Variants in IFI27L2 observed in about 807,000 individuals in gnomAD.
IFI27L2 encodes interferon alpha-inducible protein 27-like protein 2.
IFI27L2 carries 8 observed loss-of-function variants against 7.9 expected under a neutral mutation model. The ratio of observed to expected loss-of-function variants is 1.02; its 90% confidence interval spans 0.60 to 1.84. IFI27L2 has a LOEUF of 1.84. Among genes scored for constraint, IFI27L2 ranks in the 40% most tolerant of loss-of-function variants. The pLI is 0.00. For synonymous variants in IFI27L2, 56 were observed against 66.5 expected (o/e 0.84, Z 0.77); for missense variants, 190 against 165.8 (o/e 1.15, Z -0.80).
rs1376372412 is a variant in IFI27L2 at position 94,129,274 on chromosome 14, C to A, written c.25G>T (p.Ala9Ser). 5.6e-6 allele frequency: 9 copies of A among 1,612,114 alleles called. No homozygotes were observed. The South Asian group carries it at 8.8e-5, about 16-fold the overall frequency. ...CCGGGTAACTTACCTCCTCCCACTG[C>A]AGCAGCAGCTGCCCGTTCTAGAGAG... Reference protein sequence around the residue: MMKRAAAAAVGGALAVGAV... With the variant: MMKRAAAASVGGALAVGAV... Residue 9 changes from alanine to serine, a missense_variant, in exon 2 of 4, where the codon GCA becomes TCA. Physicochemically the swap from Ala to Ser is moderately conservative, Grantham distance 99. Transcript: ENST00000238609.
Position 94,127,911 on chromosome 14 carries a change from G to C in IFI27L2, c.281C>G (p.Pro94Arg), listed in dbSNP as rs370465042. ...GGGTTCAGCTGGGAGAGAAGAAGAAGGTGAATTCCCCAAGCAGGCCCCCAA... is the reference window on the plus strand; with the variant it reads ...GGGTTCAGCTGGGAGAGAAGAAGAACGTGAATTCCCCAAGCAGGCCCCCAA... Reference protein sequence around the residue: ...SVLGACLGNSPSSSLPAEPEA... With the variant: ...SVLGACLGNSRSSSLPAEPEA... Residue 94 changes from proline to arginine, a missense_variant, in exon 4 of 4, where the codon CCT (proline) becomes CGT (arginine). Transcript: ENST00000238609. 31 of 1,613,662 alleles carry C rather than the reference G, an allele frequency of 1.9e-5. No homozygotes were observed. The highest frequency in any genetic ancestry group is 1.8e-4 in the East Asian group (8 of 44,884).
chr14:94,128,093 G>T, intron 3 of IFI27L2, 101 bp from the exon 4 acceptor site: 1 of 762,854 alleles, frequency 1.3e-6, no homozygotes, highest in Non-Finnish European at 2.2e-6. Flanking sequence ...GCTCTGCCAT[G>T]GGTAGAAGCT....
At chr14:94,128,080 A>C in intron 3 of IFI27L2, 88 bp from the exon 4 acceptor site, 1 of 882,220 alleles carries the variant, frequency 1.1e-6, no homozygotes, top group South Asian at 1.6e-5. Context: ...TGAAAATCCC[A>C]GGGCTCTGCC....
chr14:94,127,802 T>G lies in IFI27L2; in HGVS notation c.390A>C (p.Glu130Asp), dbSNP rs144628066. Reference sequence around the variant, plus strand: ...GAGATGCATCTGCATGTGACCTTTATTCCTCATGTTTCTCTGACTTGAGTG... The same window carrying G: ...GAGATGCATCTGCATGTGACCTTTAGTCCTCATGTTTCTCTGACTTGAGTG... ...KPPLKSEKHE[E>D] Residue 130 changes from glutamate to aspartate, a missense_variant, in exon 4 of 4, where the codon GAA (glutamate) becomes GAC (aspartate). By Grantham distance (45) the Glu-to-Asp change is conservative. Coordinates refer to ENST00000238609, the MANE Select transcript of IFI27L2 (RefSeq NM_032036.3). 104 of 1,612,568 alleles carry G rather than the reference T, an allele frequency of 6.4e-5. 2 individuals carry two copies. The East Asian group carries it at 2.0e-3, about 31-fold the overall frequency.
At chr14:94,129,463 A>T in intron 1 of IFI27L2, 95 bp downstream of exon 1, 1 of 1,281,628 alleles carries the variant, frequency 7.8e-7, no homozygotes, top group South Asian at 1.2e-5. Flanking sequence ...TGATGAAGTC[A>T]GGGAATGAAG....
Position 94,128,549 on chromosome 14 carries a change from G to A in IFI27L2, c.164C>T (p.Ser55Phe). The change falls in exon 3 of 4, where the codon TCT becomes TTT. Residue 55 changes from serine to phenylalanine, a missense_variant. Coordinates refer to ENST00000238609, the MANE Select transcript of IFI27L2 (RefSeq NM_032036.3). ...AAAIANGGGV[S>F]AGSLVATLQS... Reference sequence around the variant, plus strand: ...CAGAGTAGCCACCAGGCTCCCCGCAGAAACACCACCCCCGTTGGCAATGGC... The same window carrying A: ...CAGAGTAGCCACCAGGCTCCCCGCAAAAACACCACCCCCGTTGGCAATGGC... The A allele has an allele frequency of 1.9e-6, 3 of 1,614,220 alleles. No individual in the cohort carries two copies. The highest frequency in any genetic ancestry group is 2.2e-5 in the East Asian group (1 of 44,884).
In IFI27L2 at chr14:94,127,886, G is replaced by A. The variant is rs766282299; in HGVS notation, c.306C>T (p.Pro102=). Residue 102 remains proline (P), a synonymous_variant, in exon 4 of 4, where the codon CCC becomes CCT. Coordinates refer to ENST00000238609, the MANE Select transcript of IFI27L2 (RefSeq NM_032036.3). Reference sequence around the variant, plus strand: ...CTCTTGCCTCATCTTCTTTAGCCTCGGGTTCAGCTGGGAGAGAAGAAGAAG... The same window carrying A: ...CTCTTGCCTCATCTTCTTTAGCCTCAGGTTCAGCTGGGAGAGAAGAAGAAG... ...NSPSSSLPAE[P]EAKEDEAREN... 75 of 1,613,740 alleles carry A rather than the reference G, an allele frequency of 4.6e-5. No individual in the cohort carries two copies. Among genetic ancestry groups the A allele is most frequent in the Admixed American group, 2.3e-4 (14 of 59,998 alleles).
At position 94,128,514 on chromosome 14, in the gene IFI27L2, C is replaced by G. The variant is rs571449423; in HGVS notation, c.199G>C (p.Gly67Arg). Residue 67 changes from glycine (G) to arginine (R), a missense_variant and splice_region_variant, in exon 3 of 4, where the codon GGG (glycine) becomes CGG (arginine). By Grantham distance (125) the Gly-to-Arg change is moderately radical. Transcript: ENST00000238609. ...TGGTGGTCCTGTCTAGGACACTTACCCACGGACTGCAGAGTAGCCACCAGG... is the reference window on the plus strand; with the variant it reads ...TGGTGGTCCTGTCTAGGACACTTACGCACGGACTGCAGAGTAGCCACCAGG... ...GSLVATLQSVGAAGLSTSSNI... is the reference protein window; with the variant it reads ...GSLVATLQSVRAAGLSTSSNI... 1.2e-6 allele frequency: 2 copies of G among 1,614,028 alleles called. No individual in the cohort carries two copies. The highest frequency in any genetic ancestry group is 1.7e-5 in the Admixed American group (1 of 60,034).
chr14:94,128,391 G>A (rs772403202), intron 3 of IFI27L2, 123 bp downstream of exon 3: 5 of 829,278 alleles, frequency 6.0e-6, no homozygotes, highest in Non-Finnish European at 9.8e-6. Flanking sequence ...GGACAGTGAG[G>A]GAGAGACTGA....
rs1887641411 is a variant in IFI27L2, at chr14:94,129,246, G to C, written c.37+16C>G. The C allele has an allele frequency of 6.2e-7, 1 of 1,610,226 alleles. No individual in the cohort carries two copies. Among genetic ancestry groups the C allele is most frequent in the African/African-American group, 1.3e-5 (1 of 74,806 alleles). On this transcript the variant is annotated intron_variant, in intron 2 of 3. Transcript: ENST00000238609. ...GCTAGGTGAGGGCCTGGAGACAGGC[G>C]ATCCGGGTAACTTACCTCCTCCCAC...
intron 2 of IFI27L2, chr14:94,128,945 T>TG: frequency 1.9e-6 from 1 of 531,886 alleles, no homozygotes; most frequent in Admixed American, 3.3e-5. Context: ...GGTCTCAAAT[T>TG]TGTGTGTGTG....
intron 1 of IFI27L2, 44 bp downstream of exon 1, chr14:94,129,514 G>T: frequency 6.3e-7 from 1 of 1,585,574 alleles, no homozygotes; most frequent in Non-Finnish European, 8.6e-7. Context: ...GGGGAAGCCT[G>T]CCCCCAGCCC....
chr14:94,129,217 C>A (rs781364523), intron 2 of IFI27L2, 45 bp downstream of exon 2: 1 of 1,551,184 alleles, frequency 6.4e-7, no homozygotes, highest in East Asian at 2.3e-5. Flanking sequence ...AGCCCGGGGA[C>A]CAGGCTAGGT....
rs984883484 is a variant in IFI27L2, at chr14:94,129,267, C to T, written c.32G>A (p.Gly11Glu). Residue 11 changes from glycine (G) to glutamate (E), a missense_variant, in exon 2 of 4, where the codon GGA becomes GAA. Coordinates refer to ENST00000238609, the MANE Select transcript of IFI27L2 (RefSeq NM_032036.3). ...AGGCGATCCGGGTAACTTACCTCCT[C>T]CCACTGCAGCAGCAGCTGCCCGTTC... MMKRAAAAAV[G>E]GALAVGAVPV... 1 of 1,612,940 alleles carries T rather than the reference C, an allele frequency of 6.2e-7. No individual in the cohort carries two copies. The highest frequency in any genetic ancestry group is 8.5e-7 in the Non-Finnish European group (1 of 1,179,338).
chr14:94,129,214 G>A, intron 2 of IFI27L2, 48 bp downstream of exon 2: 2 of 1,511,852 alleles, frequency 1.3e-6, no homozygotes, highest in Non-Finnish European at 1.8e-6. Context: ...AGCAGCCCGG[G>A]GACCAGGCTA....
intron 1 of IFI27L2, 84 bp from the exon 2 acceptor site, chr14:94,129,375 G>T: frequency 1.8e-6 from 2 of 1,119,432 alleles, no homozygotes; most frequent in Non-Finnish European, 2.7e-6. Flanking sequence ...GGAGGGAGGG[G>T]GAGGGAAGCA....
At position 94,128,627 on chromosome 14, in the gene IFI27L2, G is replaced by C; in HGVS notation, c.86C>G (p.Thr29Ser). ...VPVVLSAMGF[T>S]GAGIAASSIA... is the part of the protein sequence containing the mutation. ...GGAGGACGCGGCGATTCCTGCCCCA[G>C]TGAAGCCCATGGCACTGAGCACCAC... The change falls in exon 3 of 4, where the codon ACT becomes AGT. Residue 29 changes from threonine to serine, a missense_variant. Physicochemically the swap from Thr to Ser is moderately conservative, Grantham distance 58 (BLOSUM62 1). Coordinates refer to ENST00000238609, the MANE Select transcript of IFI27L2 (RefSeq NM_032036.3). 6.2e-7 allele frequency: 1 copy of C among 1,614,046 alleles called. No individual in the cohort carries two copies. The highest frequency in any genetic ancestry group is 8.5e-7 in the Non-Finnish European group (1 of 1,179,948).
chr14:94,129,533 A>G (rs1007420959), intron 1 of IFI27L2, 25 bp downstream of exon 1: 7 of 1,610,000 alleles, frequency 4.3e-6, no homozygotes, highest in Non-Finnish European at 5.9e-6. Context: ...CCAGCCCGCC[A>G]GCCCCCTGGG....
Position 94,129,275 on chromosome 14 carries a change from A to G in IFI27L2, c.24T>C (p.Ala8=). The change falls in exon 2 of 4, where the codon GCT becomes GCC. Residue 8 remains alanine (A), a synonymous_variant. Coordinates refer to ENST00000238609, the MANE Select transcript of IFI27L2 (RefSeq NM_032036.3). MMKRAAA[A]AVGGALAVGA... is the part of the protein sequence containing the mutation. ...CGGGTAACTTACCTCCTCCCACTGCAGCAGCAGCTGCCCGTTCTAGAGAGA... is the reference window on the plus strand; with the variant it reads ...CGGGTAACTTACCTCCTCCCACTGCGGCAGCAGCTGCCCGTTCTAGAGAGA... The G allele has an allele frequency of 1.4e-5, 23 of 1,612,234 alleles. No individual in the cohort carries two copies. Among genetic ancestry groups the G allele is most frequent in the Non-Finnish European group, 2.0e-5 (23 of 1,179,010 alleles).
Sources: gnomAD v4.1 joint callset for allele counts on GRCh38, gnomAD v4.1.1 for gene constraint, MANE v1.5 for transcripts, NCBI Gene and HGNC (gene_info 2026-07-23, HGNC 2026-07-21) for gene names.